Variants in NHSL1 observed in about 807,000 individuals in gnomAD.
NHSL1 encodes the protein NHS-like protein 1.
Under a neutral mutation model 95.0 loss-of-function variants are expected in NHSL1, and 48 were observed. The ratio of observed to expected loss-of-function variants is 0.51; its 90% CI spans 0.40 to 0.64. NHSL1 has a LOEUF of 0.64. Among genes scored for constraint, NHSL1 ranks in the 30% least tolerant of loss-of-function variants. The pLI is 0.00. For synonymous variants in NHSL1, 783 were observed against 833.9 expected, an observed-to-expected ratio of 0.94 and a Z score of 1.05; for missense variants, 1,971 against 2,077.7, an observed-to-expected ratio of 0.95 and a Z score of 1.00.
intron 1 of NHSL1, among the ~76,000 whole-genome samples, chr6:138,653,516 C>T (rs1308852659): frequency 2.0e-5 from 3 of 151,898 alleles, no homozygotes; most frequent in South Asian, 2.1e-4. Flanking sequence ...ATGCCAAGAT[C>T]GCACCACCAC....
chr6:138,514,537 C>A (rs1185510010), intron 1 of NHSL1, among the ~76,000 whole-genome samples: 1 of 152,056 alleles, frequency 6.6e-6, no homozygotes, highest in African/African-American at 2.4e-5. Context: ...AAGAGATTAA[C>A]AATAATAAAA....
At chr6:138,570,491 T>A (rs182832393) in intron 1 of NHSL1, among the ~76,000 whole-genome samples, 14 of 152,352 alleles carry the variant, frequency 9.2e-5, no homozygotes, top group Non-Finnish European at 1.8e-4. Context: ...AAAACCCACA[T>A]TTTTAAGCTC....
chr6:138,584,810 A>G (rs1784109140), intron 1 of NHSL1, among the ~76,000 whole-genome samples: 1 of 152,218 alleles, frequency 6.6e-6, no homozygotes, highest in African/African-American at 2.4e-5. Flanking sequence ...AAGTGGACTG[A>G]TGGAGACTGG....
intron 1 of NHSL1, among the ~76,000 whole-genome samples, chr6:138,654,293 T>C (rs534729167): frequency 1.3e-5 from 2 of 152,316 alleles, no homozygotes; most frequent in South Asian, 2.1e-4. Flanking sequence ...ACTGATACTA[T>C]CAAGTGTTGA....
At chr6:138,444,340 T>C (rs1256248267) in intron 4 of NHSL1, among the ~76,000 whole-genome samples, 1 of 152,142 alleles carries the variant, frequency 6.6e-6, no homozygotes, top group Admixed American at 6.5e-5. Context: ...TAAAAATTAT[T>C]TAAGTATGTT....
intron 1 of NHSL1, among the ~76,000 whole-genome samples, chr6:138,498,004 T>C (rs1180539036): frequency 1.3e-5 from 2 of 152,320 alleles, no homozygotes; most frequent in East Asian, 1.9e-4. Flanking sequence ...TAAACTCTTG[T>C]TGAGCAAATG....
chr6:138,551,103 ATT>A (rs1429946048), intron 1 of NHSL1, among the ~76,000 whole-genome samples: 1 of 152,176 alleles, frequency 6.6e-6, no homozygotes. Flanking sequence ...TACTGTTATA[ATT>A]TTTCTATTTT....
chr6:138,668,106 AAC>A (rs1785317501), intron 1 of NHSL1, among the ~76,000 whole-genome samples: 1 of 152,208 alleles, frequency 6.6e-6, no homozygotes, highest in African/African-American at 2.4e-5. Context: ...CCCCTCCAGG[AAC>A]ATGGGGACCT....
At chr6:138,611,822 T>C (rs1256343042) in intron 1 of NHSL1, among the ~76,000 whole-genome samples, 1 of 151,314 alleles carries the variant, frequency 6.6e-6, no homozygotes, top group East Asian at 1.9e-4. Flanking sequence ...CTAAAAAATA[T>C]GTTGAGGCCA....
chr6:138,466,078 T>C (rs13207628), intron 3 of NHSL1, among the ~76,000 whole-genome samples: 37,267 of 141,608 alleles, frequency 0.26, 5,651 homozygotes, highest in African/African-American at 0.41. Context: ...CTTGCTTAGT[T>C]GCCCAGGCTG....
At chr6:138,545,652 C>T (rs1013044268) in exon 1 of NHSL1, 1 of 1,289,256 alleles carries the variant, frequency 7.8e-7, no homozygotes, top group African/African-American at 1.5e-5. Context: ...GCAGCAGTTC[C>T]ATGGAGGGGC....
chr6:138,570,164 C>T (rs990525114), intron 1 of NHSL1, among the ~76,000 whole-genome samples: 1 of 152,208 alleles, frequency 6.6e-6, no homozygotes, highest in Non-Finnish European at 1.5e-5. Flanking sequence ...CAGTAGAAAT[C>T]CTACAGCCTC....
At chr6:138,528,307 A>T (rs1781995852) in intron 1 of NHSL1, among the ~76,000 whole-genome samples, 2 of 152,150 alleles carry the variant, frequency 1.3e-5, no homozygotes, top group African/African-American at 4.8e-5. Context: ...AGAGGTATTC[A>T]TTCAGAAGGA....
intron 1 of NHSL1, among the ~76,000 whole-genome samples, chr6:138,564,284 T>C (rs1295429929): frequency 7.2e-5 from 11 of 152,246 alleles, no homozygotes; most frequent in Admixed American, 5.2e-4. Flanking sequence ...CTGTCTCCAC[T>C]CTTGTTCCCC....
intron 1 of NHSL1, among the ~76,000 whole-genome samples, chr6:138,624,041 C>G (rs1222661166): frequency 6.6e-6 from 1 of 152,158 alleles, no homozygotes; most frequent in African/African-American, 2.4e-5. Flanking sequence ...TCAGTTAAGC[C>G]TCTTTCCTTT....
chr6:138,446,963 C>G, intron 4 of NHSL1, 38 bp downstream of exon 4: 1 of 1,540,374 alleles, frequency 6.5e-7, no homozygotes, highest in Non-Finnish European at 8.8e-7. Flanking sequence ...GTCATTCTCC[C>G]AAGTACATTC....
chr6:138,546,087 T>C (rs1479513493), upstream of NHSL1, among the ~76,000 whole-genome samples: 3 of 152,204 alleles, frequency 2.0e-5, no homozygotes, highest in African/African-American at 7.2e-5. Context: ...ACTGACTTCA[T>C]TATTCCTTTT....
At chr6:138,634,083 A>G (rs899890395) in intron 1 of NHSL1, among the ~76,000 whole-genome samples, 1 of 152,220 alleles carries the variant, frequency 6.6e-6, no homozygotes, top group Non-Finnish European at 1.5e-5. Flanking sequence ...AAAAATAAAA[A>G]GCAAGAAACT....
intron 1 of NHSL1, among the ~76,000 whole-genome samples, chr6:138,570,899 A>T (rs1783815595): frequency 6.6e-6 from 1 of 152,240 alleles, no homozygotes; most frequent in Admixed American, 6.5e-5. Flanking sequence ...TGCCCACTGC[A>T]CCGAATGGAG....
Sources: gnomAD v4.1 joint callset for allele counts (sites outside exome capture counted in the v4.1 genomes callset) on GRCh38, gnomAD v4.1.1 for gene constraint, MANE v1.5 for transcripts, NCBI Gene and HGNC (gene_info 2026-07-23, HGNC 2026-07-21) for gene names.